Variants in SAE1 observed in about 807,000 individuals in gnomAD.
The protein encoded by SAE1 is SUMO1 activating enzyme subunit 1, also known as SUMO-activating enzyme subunit 1.
Under a neutral mutation model 40.6 loss-of-function variants are expected in SAE1, and 11 were observed. The observed-to-expected ratio is 0.27, with a 90% CI of 0.17 to 0.45. SAE1 has a LOEUF of 0.45. SAE1 is among the 20% of genes least tolerant of loss of function. The pLI is 1.00. For missense variants in SAE1, 373 were observed against 427.3 expected (o/e 0.87, Z 1.12); for synonymous variants, 155 against 154.3 (o/e 1.00, Z -0.03).
intron 6 of SAE1, among the ~76,000 whole-genome samples, chr19:47,178,357 C>T (rs960054114): frequency 6.6e-6 from 1 of 152,202 alleles, no homozygotes; most frequent in Non-Finnish European, 1.5e-5. Context: ...CTAGGAGTGA[C>T]TTGCATGTCT....
At chr19:47,170,672 A>G (rs1037259702) in intron 6 of SAE1, among the ~76,000 whole-genome samples, 2 of 151,940 alleles carry the variant, frequency 1.3e-5, no homozygotes, top group South Asian at 4.2e-4. Flanking sequence ...GTGCCCAGCT[A>G]GTTTTTGTAT....
intron 5 of SAE1, among the ~76,000 whole-genome samples, chr19:47,164,927 C>T (rs2058382565): frequency 6.6e-6 from 1 of 151,888 alleles, no homozygotes; most frequent in Non-Finnish European, 1.5e-5. Context: ...GCTGGGATTA[C>T]AGGCGTGAGC....
intron 5 of SAE1, among the ~76,000 whole-genome samples, chr19:47,164,350 A>G (rs2058376878): frequency 6.6e-6 from 1 of 151,530 alleles, no homozygotes; most frequent in African/African-American, 2.4e-5. Flanking sequence ...TTGTATTTTT[A>G]GTAGAGACGG....
chr19:47,184,557 C>T (rs778038466), intron 6 of SAE1, among the ~76,000 whole-genome samples: 50 of 151,938 alleles, frequency 3.3e-4, no homozygotes, highest in Non-Finnish European at 5.4e-4. Context: ...ATGACAGGCA[C>T]CCGCCACCAT....
intron 6 of SAE1, among the ~76,000 whole-genome samples, chr19:47,171,496 C>T (rs1461798937): frequency 6.6e-6 from 1 of 151,590 alleles, no homozygotes; most frequent in Admixed American, 6.6e-5. Context: ...CACTCTGTTG[C>T]CCAGGAGAGC....
intron 1 of SAE1, among the ~76,000 whole-genome samples, chr19:47,138,560 T>C (rs541212600): frequency 1.3e-4 from 20 of 152,242 alleles, no homozygotes; most frequent in Non-Finnish European, 2.4e-4. Context: ...AGGTTTGTTT[T>C]GGTGTGTCTA....
At position 47,209,364 on chromosome 19, in the gene SAE1, G is replaced by T; in HGVS notation, c.*113G>T. On this transcript the variant is annotated 3_prime_UTR_variant, in exon 9 of 9. Transcript: ENST00000270225. ...CAAGGAAAACTGAAGTCATTGGCCC[G>T]ATACAAAACATTTCCTGCAACGAAG... 1 of 1,558,314 alleles carries T rather than the reference G, an allele frequency of 6.4e-7. No homozygotes were observed. Among genetic ancestry groups the T allele is most frequent in the Non-Finnish European group, 8.7e-7 (1 of 1,144,200 alleles).
At chr19:47,202,947 AT>A (rs1356628752) in intron 7 of SAE1, among the ~76,000 whole-genome samples, 1 of 152,048 alleles carries the variant, frequency 6.6e-6, no homozygotes, top group Non-Finnish European at 1.5e-5. Context: ...CACTGGGGAG[AT>A]TGGAGGTAGT....
At chr19:47,138,315 A>G (rs2058195412) in intron 1 of SAE1, among the ~76,000 whole-genome samples, 1 of 152,180 alleles carries the variant, frequency 6.6e-6, no homozygotes, top group African/African-American at 2.4e-5. Flanking sequence ...AAGTGCTGGG[A>G]TTACAGGCAT....
intron 6 of SAE1, among the ~76,000 whole-genome samples, chr19:47,179,023 C>T (rs923549429): frequency 6.6e-6 from 1 of 151,482 alleles, no homozygotes. Context: ...GAAACCTCGT[C>T]TCTACTAAAA....
chr19:47,208,542 G>A (rs2058697222), intron 8 of SAE1, among the ~76,000 whole-genome samples: 1 of 152,138 alleles, frequency 6.6e-6, no homozygotes, highest in African/African-American at 2.4e-5. Context: ...CTGGGTTCAA[G>A]CAATTCTCCT....
chr19:47,190,480 T>A (rs1265619406), intron 6 of SAE1, among the ~76,000 whole-genome samples: 1 of 152,132 alleles, frequency 6.6e-6, no homozygotes, highest in African/African-American at 2.4e-5. Flanking sequence ...CCTGCCCCCC[T>A]CCACTGCTGC....
At chr19:47,170,171 G>T (rs2058421972) in intron 6 of SAE1, among the ~76,000 whole-genome samples, 1 of 151,998 alleles carries the variant, frequency 6.6e-6, no homozygotes, top group African/African-American at 2.4e-5. Flanking sequence ...TTGACCTTAT[G>T]GTAATAGTGT....
At chr19:47,182,496 T>TGTGCGCGCGC (rs143321323) in intron 6 of SAE1, among the ~76,000 whole-genome samples, 9 of 145,938 alleles carry the variant, frequency 6.2e-5, no homozygotes, top group East Asian at 4.1e-4. Context: ...TGTGTGTGTG[T>TGTGCGCGCGC]GCGCGCACGC....
chr19:47,197,470 C>A, intron 7 of SAE1, 93 bp downstream of exon 7: 1 of 1,093,512 alleles, frequency 9.1e-7, no homozygotes, highest in Non-Finnish European at 1.3e-6. Flanking sequence ...ATTAGAAACC[C>A]TTCAGAGAGC....
chr19:47,169,351 T>TTCTCCTGCCTCAGCCTCCCA (rs1168470096), intron 5 of SAE1, among the ~76,000 whole-genome samples: 1 of 152,102 alleles, frequency 6.6e-6, no homozygotes, highest in Non-Finnish European at 1.5e-5. Context: ...GTTCAAGCGA[T>TTCTCCTGCCTCAGCCTCCCA]TCTCCTGCCT....
chr19:47,176,506 C>T (rs2058469527), intron 6 of SAE1, among the ~76,000 whole-genome samples: 1 of 152,150 alleles, frequency 6.6e-6, no homozygotes, highest in Non-Finnish European at 1.5e-5. Context: ...GTGGTTTTTG[C>T]TTGTCTGGTC....
intron 7 of SAE1, among the ~76,000 whole-genome samples, chr19:47,198,351 A>G (rs902897669): frequency 6.6e-5 from 10 of 152,066 alleles, no homozygotes; most frequent in Non-Finnish European, 1.2e-4. Context: ...ACCTCAGGTG[A>G]TCCGCCTACC....
Position 47,209,459 on chromosome 19 carries a change from T to A in SAE1, c.*208T>A. 2 of 820,922 alleles carry A rather than the reference T, an allele frequency of 2.4e-6. No individual in the cohort carries two copies. The highest frequency in any genetic ancestry group is 3.8e-6 in the Non-Finnish European group (2 of 523,446). The allele number at this position is 820,922 out of a possible 1,614,324, so 50.9% of individuals were successfully genotyped here. A position where few individuals can be genotyped will look rare whatever the true frequency, so the allele number is the denominator to read the frequency against. On this transcript the variant is annotated 3_prime_UTR_variant, in exon 9 of 9. Coordinates refer to ENST00000270225, the MANE Select transcript of SAE1 (RefSeq NM_005500.3). ...ACAAGGGGCGCAGGGTGGCTGTCTTTGTTCCAGCACTGTTCAGGCTGCCTG... is the reference window on the plus strand; with the variant it reads ...ACAAGGGGCGCAGGGTGGCTGTCTTAGTTCCAGCACTGTTCAGGCTGCCTG...
Sources: allele counts gnomAD v4.1 joint callset (sites outside exome capture counted in the v4.1 genomes callset), GRCh38; gene constraint gnomAD v4.1.1; transcripts MANE v1.5; gene names NCBI Gene and HGNC (gene_info 2026-07-23, HGNC 2026-07-21).